Variants in PRDM6 observed in about 807,000 individuals in gnomAD.
The protein encoded by PRDM6 is PR/SET domain 6.
Under a neutral mutation model 60.8 loss-of-function variants are expected in PRDM6, and 25 were observed. The ratio of observed to expected loss-of-function variants is 0.41; its 90% CI spans 0.30 to 0.57. PRDM6 has a LOEUF of 0.57. Among genes scored for constraint, PRDM6 ranks in the 20% least tolerant of loss-of-function variants. PRDM6 has a pLI of 0.27. For synonymous variants in PRDM6, 407 were observed against 357.4 expected (o/e 1.14, Z -1.57); for missense variants, 839 against 821.3 (o/e 1.02, Z -0.26).
chr5:123,127,900 T>C (rs1262855448), intron 3 of PRDM6, among the ~76,000 whole-genome samples: 1 of 152,120 alleles, frequency 6.6e-6, no homozygotes, highest in Non-Finnish European at 1.5e-5. Context: ...GTATTTCTCC[T>C]AATGCTATCC....
At chr5:123,169,468 A>G (rs1184909100) in intron 5 of PRDM6, among the ~76,000 whole-genome samples, 1 of 152,182 alleles carries the variant, frequency 6.6e-6, no homozygotes, top group African/African-American at 2.4e-5. Context: ...CAAAAATGGT[A>G]GTTGCTGTTC....
chr5:123,182,410 C>CA (rs1289770659), intron 7 of PRDM6, among the ~76,000 whole-genome samples: 2 of 152,170 alleles, frequency 1.3e-5, no homozygotes. Context: ...GCAGCCAGAC[C>CA]AATACAGTGC....
intron 2 of PRDM6, among the ~76,000 whole-genome samples, chr5:123,094,153 G>T (rs772482113): frequency 1.3e-5 from 2 of 152,134 alleles, no homozygotes; most frequent in Non-Finnish European, 2.9e-5. Flanking sequence ...CCTAACACTG[G>T]TTTGTCCGGT....
At chr5:123,151,767 G>A (rs970888576) in intron 3 of PRDM6, among the ~76,000 whole-genome samples, 3 of 152,060 alleles carry the variant, frequency 2.0e-5, no homozygotes, top group African/African-American at 7.2e-5. Flanking sequence ...TTCACACAGG[G>A]TCCCCCAGCT....
intron 3 of PRDM6, among the ~76,000 whole-genome samples, chr5:123,102,377 C>A (rs1018190243): frequency 1.3e-5 from 2 of 151,990 alleles, no homozygotes; most frequent in South Asian, 2.1e-4. Context: ...TGAATTGTTA[C>A]ATTTATAATA....
Position 123,090,139 on chromosome 5 carries a change from G to A in PRDM6, c.125G>A (p.Gly42Asp), listed in dbSNP as rs1010829654. 37 of 1,534,414 alleles carry A rather than the reference G, an allele frequency of 2.4e-5. No individual in the cohort carries two copies. The highest frequency in any genetic ancestry group is 8.4e-5 in the South Asian group (7 of 83,054). The change falls in exon 2 of 8, where the codon GGT becomes GAT. Residue 42 changes from glycine to aspartate, a missense_variant. Gly to Asp is a moderately conservative substitution (Grantham distance 94, BLOSUM62 -1). Around this residue, in one of 2 missense-constraint regions of PRDM6, gnomAD observed 730 missense variants for 648.8 expected, o/e 1.13. Coordinates refer to ENST00000407847, the MANE Select transcript of PRDM6 (RefSeq NM_001136239.4). Reference protein sequence around the residue: ...AGPLKGSGAAGLLSAPQPLQP... With the variant: ...AGPLKGSGAADLLSAPQPLQP... ...CCGCTCAAGGGCAGCGGCGCCGCGGGTCTCCTGAGCGCGCCGCAGCCTCTT... is the reference window on the plus strand; with the variant it reads ...CCGCTCAAGGGCAGCGGCGCCGCGGATCTCCTGAGCGCGCCGCAGCCTCTT...
At chr5:123,104,432 T>C (rs982226241) in intron 3 of PRDM6, among the ~76,000 whole-genome samples, 13 of 152,166 alleles carry the variant, frequency 8.5e-5, no homozygotes, top group Non-Finnish European at 1.5e-4. Flanking sequence ...ACTTAAAAGT[T>C]GTCGCAGTGA....
chr5:123,173,130 G>A (rs145870943), intron 6 of PRDM6, among the ~76,000 whole-genome samples: 1,536 of 151,386 alleles, frequency 0.01, 16 homozygotes, highest in African/African-American at 0.028. Flanking sequence ...GGCAGAGCTT[G>A]CAGTGAGCCG....
At chr5:123,137,617 C>T (rs1179163526) in intron 3 of PRDM6, among the ~76,000 whole-genome samples, 3 of 152,050 alleles carry the variant, frequency 2.0e-5, no homozygotes, top group Non-Finnish European at 4.4e-5. Context: ...GGGAGGGGAA[C>T]ATCACACACC....
intron 3 of PRDM6, among the ~76,000 whole-genome samples, chr5:123,119,218 T>C (rs1049075969): frequency 6.6e-6 from 1 of 151,744 alleles, no homozygotes; most frequent in African/African-American, 2.4e-5. Flanking sequence ...TCCAAACTAA[T>C]AAGAAAACTA....
intron 3 of PRDM6, among the ~76,000 whole-genome samples, chr5:123,125,267 T>A (rs1764670464): frequency 6.6e-6 from 1 of 152,070 alleles, no homozygotes; most frequent in Non-Finnish European, 1.5e-5. Context: ...CAGCTGGGCT[T>A]ATAGTACATT....
intron 5 of PRDM6, among the ~76,000 whole-genome samples, chr5:123,167,006 G>A (rs1350681796): frequency 6.6e-6 from 1 of 152,132 alleles, no homozygotes. Flanking sequence ...CTTGTGTTGG[G>A]ATGAAATTTC....
rs13182369 is a variant in PRDM6, at chr5:123,090,137, G to A, written c.123G>A (p.Ala41=). 2.1e-5 allele frequency: 33 copies of A among 1,535,054 alleles called. No individual in the cohort carries two copies. The highest frequency in any genetic ancestry group is 2.8e-5 in the Non-Finnish European group (32 of 1,140,834). ...GCCCGCTCAAGGGCAGCGGCGCCGCGGGTCTCCTGAGCGCGCCGCAGCCTC... is the reference window on the plus strand; with the variant it reads ...GCCCGCTCAAGGGCAGCGGCGCCGCAGGTCTCCTGAGCGCGCCGCAGCCTC... ...GAGPLKGSGA[A]GLLSAPQPLQ... is the part of the protein sequence containing the mutation. Residue 41 remains alanine (A), a synonymous_variant, in exon 2 of 8, where the codon GCG becomes GCA. Coordinates refer to ENST00000407847, the MANE Select transcript of PRDM6 (RefSeq NM_001136239.4).
intron 5 of PRDM6, among the ~76,000 whole-genome samples, chr5:123,166,156 C>T (rs1318291034): frequency 6.6e-6 from 1 of 152,198 alleles, no homozygotes; most frequent in Non-Finnish European, 1.5e-5. Context: ...CCTCTCAAGC[C>T]TCGGCTGCAG....
In PRDM6 at chr5:123,116,642, TTA is replaced by T; in HGVS notation, c.900+16683_900+16684del. ...TATGTAGCATAAGTGAAAAAAAAAA[TTA>T]TTTTTCTGTTACAAGACAATTTGCT... On this transcript the variant is annotated intron_variant, in intron 3 of 7. Transcript: ENST00000407847. Among the ~76,000 whole-genome samples, 3 of 151,844 alleles carry T rather than the reference TTA, an allele frequency of 2.0e-5. No homozygotes were observed. In the Middle Eastern group the frequency reaches 0.01, roughly 516 times the overall value.
chr5:123,130,991 G>A (rs1331155443), intron 3 of PRDM6, among the ~76,000 whole-genome samples: 2 of 152,182 alleles, frequency 1.3e-5, no homozygotes, highest in African/African-American at 4.8e-5. Context: ...CTCAAGAGAT[G>A]GTCTGGGAAT....
intron 6 of PRDM6, among the ~76,000 whole-genome samples, chr5:123,173,894 C>T (rs992585517): frequency 7.2e-5 from 11 of 152,160 alleles, no homozygotes; most frequent in East Asian, 3.9e-4. Context: ...AGATACTCTC[C>T]GTAATTTCTT....
intron 3 of PRDM6, among the ~76,000 whole-genome samples, chr5:123,113,754 G>A (rs748246916): frequency 6.6e-6 from 1 of 152,280 alleles, no homozygotes; most frequent in Admixed American, 6.5e-5. Flanking sequence ...CCGGAGGTGA[G>A]CTTTCTTTTC....
At chr5:123,111,578 G>A (rs1764313202) in intron 3 of PRDM6, among the ~76,000 whole-genome samples, 1 of 152,084 alleles carries the variant, frequency 6.6e-6, no homozygotes, top group Non-Finnish European at 1.5e-5. Flanking sequence ...GGCGCCTGTA[G>A]TCCCAGCTAC....
Sources: gnomAD v4.1 joint callset for allele counts (sites outside exome capture counted in the v4.1 genomes callset) on GRCh38, gnomAD v4.1.1 for gene constraint, gnomAD v4.1.1 regional missense constraint, MANE v1.5 for transcripts, NCBI Gene and HGNC (gene_info 2026-07-23, HGNC 2026-07-21) for gene names.